The following EYA1 variants were observed in gnomAD, a reference collection of about 807,000 sequenced individuals.
The protein encoded by EYA1 is EYA transcriptional coactivator and phosphatase 1, also known as protein phosphatase EYA1.
EYA1 carries 16 observed loss-of-function variants against 82.0 expected under a neutral mutation model. That is an observed-to-expected ratio of 0.20 (90% CI 0.13 to 0.30). The LOEUF (loss-of-function observed/expected upper bound fraction) is 0.30, where lower values mean the gene tolerates loss of function less well. Ranked by LOEUF, EYA1 falls within the 10% of genes least tolerant of loss-of-function variation. The pLI is 1.00. For synonymous variants in EYA1, 261 were observed against 264.4 expected (o/e 0.99, Z 0.12); for missense variants, 633 against 730.7 (o/e 0.87, Z 1.54).
chr8:71,456,895 C>T (rs528173437), intron 2 of EYA1, among the ~76,000 whole-genome samples: 10 of 152,198 alleles, frequency 6.6e-5, no homozygotes, highest in African/African-American at 2.4e-4. Flanking sequence ...GCAACAAAAG[C>T]CAAAATTGAC....
intron 2 of EYA1, among the ~76,000 whole-genome samples, chr8:71,533,368 G>GCCA: frequency 6.6e-6 from 1 of 152,202 alleles, no homozygotes; most frequent in Non-Finnish European, 1.5e-5. Flanking sequence ...GCCAAATGCT[G>GCCA]TTAACTGTTG....
chr8:71,467,314 C>T (rs560218832), intron 2 of EYA1, among the ~76,000 whole-genome samples: 4 of 152,154 alleles, frequency 2.6e-5, no homozygotes, highest in East Asian at 3.9e-4. Context: ...TCTAATGGAT[C>T]GGGCATTGGA....
intron 3 of EYA1, among the ~76,000 whole-genome samples, chr8:71,341,944 T>C (rs1282208487): frequency 6.6e-6 from 1 of 152,204 alleles, no homozygotes; most frequent in African/African-American, 2.4e-5. Context: ...TGGTCTAGAC[T>C]AATTTAAATT....
chr8:71,267,904 A>G (rs1816060924), intron 11 of EYA1, among the ~76,000 whole-genome samples: 1 of 152,228 alleles, frequency 6.6e-6, no homozygotes, highest in Admixed American at 6.5e-5. Flanking sequence ...AAACAAACAA[A>G]CAAATATATT....
At chr8:71,242,739 C>T (rs1434715850) in intron 12 of EYA1, among the ~76,000 whole-genome samples, 1 of 150,940 alleles carries the variant, frequency 6.6e-6, no homozygotes, top group Non-Finnish European at 1.5e-5. Flanking sequence ...CTTTTCACCA[C>T]CTAATTTTGG....
At chr8:71,267,859 T>A (rs1816055944) in intron 11 of EYA1, among the ~76,000 whole-genome samples, 1 of 152,202 alleles carries the variant, frequency 6.6e-6, no homozygotes, top group South Asian at 2.1e-4. Context: ...AGATAAAACT[T>A]TTTATCACAT....
At chr8:71,419,422 T>C (rs1831026770) in intron 2 of EYA1, among the ~76,000 whole-genome samples, 1 of 152,170 alleles carries the variant, frequency 6.6e-6, no homozygotes, top group African/African-American at 2.4e-5. Context: ...TGAATTGACA[T>C]TTATCATCAT....
intron 2 of EYA1, among the ~76,000 whole-genome samples, chr8:71,400,357 A>G (rs1731225319): frequency 6.6e-6 from 1 of 152,188 alleles, no homozygotes; most frequent in South Asian, 2.1e-4. Context: ...GAGTGAACAG[A>G]CAGCCTATAG....
At chr8:71,263,113 G>A (rs563419785) in intron 11 of EYA1, among the ~76,000 whole-genome samples, 89 of 152,202 alleles carry the variant, frequency 5.8e-4, no homozygotes, top group Middle Eastern at 6.8e-3. Flanking sequence ...TTGAGAACTG[G>A]GCTGTGAGTG....
chr8:71,454,676 A>G (rs1220203675), intron 2 of EYA1, among the ~76,000 whole-genome samples: 2 of 152,254 alleles, frequency 1.3e-5, no homozygotes, highest in African/African-American at 2.4e-5. Context: ...ACTACTGGGT[A>G]CATACTGAAA....
chr8:71,538,039 C>T (rs561928763), intron 1 of EYA1, among the ~76,000 whole-genome samples: 9 of 152,252 alleles, frequency 5.9e-5, no homozygotes, highest in East Asian at 3.9e-4. Flanking sequence ...CACAGCGAGC[C>T]GTGGACTTTA....
At chr8:71,270,890 T>C (rs1043767636) in intron 10 of EYA1, among the ~76,000 whole-genome samples, 3 of 151,496 alleles carry the variant, frequency 2.0e-5, no homozygotes, top group Non-Finnish European at 4.4e-5. Flanking sequence ...GAGGCCGAGG[T>C]GGGTGGACCA....
intron 11 of EYA1, among the ~76,000 whole-genome samples, chr8:71,252,108 T>C (rs1396667170): frequency 6.6e-6 from 1 of 152,046 alleles, no homozygotes; most frequent in Non-Finnish European, 1.5e-5. Context: ...GTTTCATCAG[T>C]GAGCTAAGGC....
At chr8:71,388,047 A>G (rs1046217379) in intron 2 of EYA1, among the ~76,000 whole-genome samples, 1 of 152,302 alleles carries the variant, frequency 6.6e-6, no homozygotes, top group Non-Finnish European at 1.5e-5. Context: ...CTATAATCTC[A>G]TAAGTTAATT....
chr8:71,414,345 T>A (rs1278072733), intron 2 of EYA1, among the ~76,000 whole-genome samples: 1 of 152,204 alleles, frequency 6.6e-6, no homozygotes, highest in African/African-American at 2.4e-5. Flanking sequence ...CACATGACAG[T>A]ATCCACTACA....
chr8:71,376,787 A>T (rs776627354), intron 2 of EYA1, among the ~76,000 whole-genome samples: 4 of 152,126 alleles, frequency 2.6e-5, no homozygotes, highest in Non-Finnish European at 5.9e-5. Context: ...ACATGACATA[A>T]ATCCAAAAAG....
chr8:71,288,001 GCCAGAATTCAAAC>G (rs1818575603), intron 9 of EYA1, among the ~76,000 whole-genome samples: 1 of 152,052 alleles, frequency 6.6e-6, no homozygotes, highest in African/African-American at 2.4e-5. Context: ...GAGTGACAGA[GCCAGAATTCAAAC>G]CCAGGTTAGC....
intron 2 of EYA1, among the ~76,000 whole-genome samples, chr8:71,456,393 T>C (rs551895155): frequency 1.3e-5 from 2 of 152,242 alleles, no homozygotes; most frequent in South Asian, 4.1e-4. Context: ...CTTCACAGAA[T>C]TGGAAAAAAC....
chr8:71,407,113 C>G (rs375234286), intron 2 of EYA1, among the ~76,000 whole-genome samples: 9,524 of 65,852 alleles, frequency 0.14, no homozygotes, highest in Non-Finnish European at 0.19. Context: ...AGCAGGGGCA[C>G]ACTGACACCT....
Sources: gnomAD v4.1 joint callset for allele counts (sites outside exome capture counted in the v4.1 genomes callset) on GRCh38, gnomAD v4.1.1 for gene constraint, MANE v1.5 for transcripts, NCBI Gene and HGNC (gene_info 2026-07-23, HGNC 2026-07-21) for gene names.